Variants in AGPS observed in about 807,000 individuals in gnomAD.
The protein encoded by AGPS is alkylglycerone phosphate synthase, also known as alkyldihydroxyacetonephosphate synthase, peroxisomal.
In AGPS, 26 loss-of-function variants were observed where a neutral mutation model predicts 90.7. The ratio of observed to expected loss-of-function variants is 0.29; its 90% CI spans 0.21 to 0.40. AGPS has a LOEUF of 0.40. AGPS is among the 10% of genes least tolerant of loss of function. The probability of loss-of-function intolerance (pLI) is 1.00; values close to 1 mark genes in which losing one functional copy is unlikely to be tolerated. For missense variants in AGPS, 540 were observed against 816.1 expected (o/e 0.66, Z 4.12); for synonymous variants, 294 against 285.3 (o/e 1.03, Z -0.31).
chr2:177,401,985 T>C (rs1486928862), intron 1 of AGPS, among the ~76,000 whole-genome samples: 3 of 152,270 alleles, frequency 2.0e-5, no homozygotes, highest in Non-Finnish European at 4.4e-5. Flanking sequence ...TGGTTACTTA[T>C]GTTCTAAGCA....
At chr2:177,444,420 C>CAAAAAAA (rs10618529) in intron 7 of AGPS, among the ~76,000 whole-genome samples, 3 of 90,984 alleles carry the variant, frequency 3.3e-5, no homozygotes, top group Non-Finnish European at 4.8e-5. Context: ...GACTCTGTCT[C>CAAAAAAA]AAAAAAAAAA....
chr2:177,423,875 G>C (rs186573609), intron 2 of AGPS, among the ~76,000 whole-genome samples: 23 of 152,148 alleles, frequency 1.5e-4, no homozygotes, highest in Admixed American at 3.3e-4. Flanking sequence ...TTCTAAGTAT[G>C]AGTGAATTTA....
At chr2:177,525,231 G>C (rs1293078128) in intron 19 of AGPS, among the ~76,000 whole-genome samples, 7 of 152,112 alleles carry the variant, frequency 4.6e-5, no homozygotes, top group Non-Finnish European at 7.4e-5. Flanking sequence ...AAGATACTTA[G>C]ATTTTAGCAC....
chr2:177,462,343 A>C (rs1687318694), intron 9 of AGPS, among the ~76,000 whole-genome samples: 1 of 151,116 alleles, frequency 6.6e-6, no homozygotes, highest in African/African-American at 2.4e-5. Context: ...CAGTGAGCCG[A>C]AATTGTGCCA....
chr2:177,538,029 A>G (rs1352737987), intron 19 of AGPS, 45 bp from the exon 20 acceptor site: 3 of 1,610,238 alleles, frequency 1.9e-6, no homozygotes, highest in Non-Finnish European at 2.5e-6. Context: ...ATTGGTTCCC[A>G]GTATCATAGC....
intron 17 of AGPS, among the ~76,000 whole-genome samples, chr2:177,520,041 G>T (rs1404313263): frequency 6.6e-6 from 1 of 152,216 alleles, no homozygotes; most frequent in Admixed American, 6.5e-5. Context: ...GCACTGGTGG[G>T]AGTGTAGGTG....
intron 10 of AGPS, among the ~76,000 whole-genome samples, chr2:177,479,357 A>G (rs1687877514): frequency 6.6e-6 from 1 of 152,170 alleles, no homozygotes; most frequent in African/African-American, 2.4e-5. Flanking sequence ...GGGAAAAGGT[A>G]GCTGGGATCA....
chr2:177,530,718 G>T (rs1029812905), intron 19 of AGPS, among the ~76,000 whole-genome samples: 1 of 152,140 alleles, frequency 6.6e-6, no homozygotes, highest in African/African-American at 2.4e-5. Flanking sequence ...CTACAATCAT[G>T]CTGTGATAAA....
intron 8 of AGPS, among the ~76,000 whole-genome samples, chr2:177,454,640 T>G (rs1307220747): frequency 2.0e-5 from 3 of 151,836 alleles, no homozygotes; most frequent in African/African-American, 4.8e-5. Context: ...TGAATGGTAA[T>G]TTTTGATTAG....
At position 177,434,331 on chromosome 2, in the gene AGPS, C is replaced by T; in HGVS notation, c.355C>T (p.Pro119Ser). The T allele has an allele frequency of 3.1e-6, 5 of 1,605,432 alleles. No homozygotes were observed. The highest frequency in any genetic ancestry group is 4.3e-6 in the Non-Finnish European group (5 of 1,173,342). ...GQIELTGKRY[P>S]LSGMGLPTFK... ...TTTACTTTCTTTGTACCTTAGGTAC[C>T]CTCTTAGTGGCATGGGTTTACCAAC... Residue 119 changes from proline to serine, a missense_variant, in exon 3 of 20, where the codon CCT (proline) becomes TCT (serine). By Grantham distance (74) the Pro-to-Ser change is moderately conservative (BLOSUM62 -1). Around this residue, in one of 2 missense-constraint regions of AGPS, gnomAD observed 405 missense variants for 692.1 expected, o/e 0.59. Transcript: ENST00000264167.
intron 13 of AGPS, 39 bp from the exon 14 acceptor site, chr2:177,499,579 A>G: frequency 7.8e-7 from 1 of 1,288,152 alleles, no homozygotes; most frequent in Non-Finnish European, 1.1e-6. Context: ...TTTGTAGGAT[A>G]AGACTTATCT....
intron 8 of AGPS, among the ~76,000 whole-genome samples, chr2:177,451,540 TTACCTGATTG>T (rs1559052013): frequency 6.6e-6 from 1 of 152,186 alleles, no homozygotes; most frequent in Non-Finnish European, 1.5e-5. Context: ...TTTCTTTTTC[TTACCTGATTG>T]TACTGGCCAG....
chr2:177,447,898 A>G (rs1036999271), intron 8 of AGPS, among the ~76,000 whole-genome samples: 4 of 152,178 alleles, frequency 2.6e-5, no homozygotes, highest in African/African-American at 9.7e-5. Context: ...AAATGACACA[A>G]ATACAGTAGT....
At position 177,436,865 on chromosome 2, in the gene AGPS, T is replaced by C; in HGVS notation, c.543T>C (p.Asp181=). The change falls in exon 4 of 20, where the codon GAT becomes GAC. Residue 181 remains aspartate, a synonymous_variant. Coordinates refer to ENST00000264167, the MANE Select transcript of AGPS (RefSeq NM_003659.4). ...TNISYSQEAD[D]RVFRAHGHCL... ...TTTCATATTCACAAGAGGCAGATGA[T>C]CGAGTATTTAGAGCTCATGGTAAGT... 1 of 1,612,900 alleles carries C rather than the reference T, an allele frequency of 6.2e-7. No homozygotes were observed. Among genetic ancestry groups the C allele is most frequent in the Non-Finnish European group, 8.5e-7 (1 of 1,179,134 alleles).
At chr2:177,428,801 T>A (rs1167274078) in intron 2 of AGPS, among the ~76,000 whole-genome samples, 4 of 152,056 alleles carry the variant, frequency 2.6e-5, no homozygotes, top group African/African-American at 9.7e-5. Flanking sequence ...TGTCTTGGGG[T>A]TGATCTCATG....
intron 2 of AGPS, among the ~76,000 whole-genome samples, chr2:177,428,996 C>T (rs1020218526): frequency 4.6e-5 from 7 of 152,072 alleles, no homozygotes; most frequent in African/African-American, 1.7e-4. Context: ...CCACATTTCT[C>T]AGAGGTTTTG....
chr2:177,443,026 G>A (rs1686654251), intron 7 of AGPS, among the ~76,000 whole-genome samples: 1 of 151,634 alleles, frequency 6.6e-6, no homozygotes, highest in African/African-American at 2.4e-5. Context: ...CCATTTTTTA[G>A]ATGAAGTCGT....
intron 11 of AGPS, among the ~76,000 whole-genome samples, chr2:177,485,411 C>T (rs951771562): frequency 2.0e-5 from 3 of 151,996 alleles, no homozygotes; most frequent in Admixed American, 6.6e-5. Flanking sequence ...CCAACATTTC[C>T]GCCATAAATA....
chr2:177,500,463 ATTTAT>A (rs1688528252), intron 14 of AGPS, among the ~76,000 whole-genome samples: 1 of 151,966 alleles, frequency 6.6e-6, no homozygotes, highest in African/African-American at 2.4e-5. Context: ...CTTTGTAAAT[ATTTAT>A]TTTCATTTCT....
Sources: gnomAD v4.1 joint callset for allele counts (sites outside exome capture counted in the v4.1 genomes callset) on GRCh38, gnomAD v4.1.1 for gene constraint, gnomAD v4.1.1 regional missense constraint, MANE v1.5 for transcripts, NCBI Gene and HGNC (gene_info 2026-07-23, HGNC 2026-07-21) for gene names.